Variants in TNS3 observed in about 807,000 individuals in gnomAD.
TNS3 encodes the protein tensin-3.
A neutral mutation model predicts 140.9 loss-of-function variants in TNS3; 45 were observed. The ratio of observed to expected loss-of-function variants is 0.32; its 90% CI spans 0.25 to 0.41. TNS3 has a LOEUF of 0.41. Among genes scored for constraint, TNS3 ranks in the 10% least tolerant of loss-of-function variants. TNS3 has a pLI of 1.00. For synonymous variants in TNS3, 815 were observed against 788.4 expected, an observed-to-expected ratio of 1.03 and a Z score of -0.56; for missense variants, 1,716 against 1,906.7, an observed-to-expected ratio of 0.90 and a Z score of 1.86.
At chr7:47,570,818 T>C (rs1256315992) in intron 1 of TNS3, among the ~76,000 whole-genome samples, 1 of 152,092 alleles carries the variant, frequency 6.6e-6, no homozygotes, top group Non-Finnish European at 1.5e-5. Context: ...TATCATTTTT[T>C]TTCTTTCTTT....
intron 28 of TNS3, among the ~76,000 whole-genome samples, chr7:47,283,306 G>A (rs1025010613): frequency 6.6e-6 from 1 of 152,194 alleles, no homozygotes; most frequent in Non-Finnish European, 1.5e-5. Context: ...ACGCTCACCT[G>A]AAAGGAAATG....
At chr7:47,472,600 C>A (rs1350747472) in intron 4 of TNS3, among the ~76,000 whole-genome samples, 2 of 152,166 alleles carry the variant, frequency 1.3e-5, no homozygotes, top group Non-Finnish European at 2.9e-5. Flanking sequence ...ACACACAGGC[C>A]TTATGGTTGA....
At chr7:47,505,673 T>C (rs1798388912) in intron 3 of TNS3, among the ~76,000 whole-genome samples, 1 of 152,202 alleles carries the variant, frequency 6.6e-6, no homozygotes, top group Non-Finnish European at 1.5e-5. Flanking sequence ...AAAAGTCTCT[T>C]GGGAGAAAAG....
At chr7:47,464,752 G>C (rs1372407949) in intron 4 of TNS3, among the ~76,000 whole-genome samples, 2 of 152,122 alleles carry the variant, frequency 1.3e-5, no homozygotes, top group African/African-American at 4.8e-5. Context: ...TAACGACCTT[G>C]TCACCACATG....
intron 4 of TNS3, among the ~76,000 whole-genome samples, chr7:47,446,786 G>C (rs543423452): frequency 6.8e-6 from 1 of 146,100 alleles, no homozygotes; most frequent in South Asian, 2.2e-4. Flanking sequence ...GTGACTTCTC[G>C]GGCTCAGATC....
chr7:47,466,388 C>T (rs1292978770), intron 4 of TNS3, among the ~76,000 whole-genome samples: 2 of 152,126 alleles, frequency 1.3e-5, no homozygotes, highest in Non-Finnish European at 2.9e-5. Flanking sequence ...TCAGATGATC[C>T]GCCTGCCTTG....
intron 1 of TNS3, chr7:47,539,134 C>T (rs755148175): frequency 1.5e-5 from 7 of 456,520 alleles, no homozygotes; most frequent in Non-Finnish European, 3.1e-5. Context: ...AGATAGCCCC[C>T]AGCAGGATAA....
chr7:47,428,254 C>G lies in TNS3; in HGVS notation c.389+58G>C, dbSNP rs544149645. 5 of 1,264,148 alleles carry G rather than the reference C, an allele frequency of 4.0e-6. No individual in the cohort carries two copies. The East Asian group carries it at 1.4e-4, about 35-fold the overall frequency. 78.3% of individuals were successfully genotyped at this position (1,264,148 alleles called of 1,614,324 possible). On this transcript the variant is annotated intron_variant, in intron 9 of 30. Transcript: ENST00000311160. ...CAGCTCCCGCGCAGACAGCCTTCAG[C>G]CCCATGCAGGCCCAGCTTTTAGCAC... is the stretch of plus-strand genomic sequence containing the variant.
At chr7:47,298,007 T>C (rs1450986405) in intron 23 of TNS3, among the ~76,000 whole-genome samples, 1 of 152,020 alleles carries the variant, frequency 6.6e-6, no homozygotes, top group Non-Finnish European at 1.5e-5. Flanking sequence ...AGGATGGTCT[T>C]GATCTCCTGA....
In TNS3 at chr7:47,548,587, G is replaced by A. The variant is rs143809163; in HGVS notation, c.-264-19440C>T. Among the ~76,000 whole-genome samples the A allele has an allele frequency of 2.9e-3, 442 of 152,234 alleles. 3 individuals carry two copies. Among genetic ancestry groups the A allele is most frequent in the African/African-American group, 1.0e-2 (415 of 41,546 alleles). ...TCTTCCCTGGTCGCTGTGACCCCGT[G>A]CCCTACCTCACTGGTCCTGCCTTTG... On this transcript the variant is annotated intron_variant, in intron 1 of 30. Coordinates refer to ENST00000311160, the MANE Select transcript of TNS3 (RefSeq NM_022748.12).
intron 27 of TNS3, among the ~76,000 whole-genome samples, chr7:47,285,476 T>C (rs1176157765): frequency 6.6e-6 from 1 of 152,194 alleles, no homozygotes; most frequent in South Asian, 2.1e-4. Flanking sequence ...CCCCTGCACA[T>C]ACTCTCTTGC....
At chr7:47,518,225 G>A (rs1798842773) in intron 2 of TNS3, among the ~76,000 whole-genome samples, 1 of 152,110 alleles carries the variant, frequency 6.6e-6, no homozygotes, top group African/African-American at 2.4e-5. Context: ...CTCAGGAATG[G>A]GGATAAGGCT....
chr7:47,381,485 C>T (rs192138991), intron 16 of TNS3, among the ~76,000 whole-genome samples: 296 of 152,296 alleles, frequency 1.9e-3, no homozygotes, highest in East Asian at 6.0e-3. Flanking sequence ...ACCAACCACA[C>T]ACTTTTACTC....
intron 4 of TNS3, among the ~76,000 whole-genome samples, chr7:47,445,800 T>G (rs1795700239): frequency 1.3e-5 from 2 of 152,214 alleles, no homozygotes; most frequent in African/African-American, 2.4e-5. Context: ...GAACTGGAAC[T>G]GCCGCCAAGA....
At chr7:47,518,459 T>G (rs1798853690) in intron 2 of TNS3, among the ~76,000 whole-genome samples, 1 of 152,184 alleles carries the variant, frequency 6.6e-6, no homozygotes, top group Non-Finnish European at 1.5e-5. Flanking sequence ...CTAAAACTCT[T>G]GAAGTTTTCA....
chr7:47,383,378 G>A (rs1441937918), intron 16 of TNS3, among the ~76,000 whole-genome samples: 2 of 152,188 alleles, frequency 1.3e-5, no homozygotes, highest in African/African-American at 4.8e-5. Context: ...GTGGTTGCCA[G>A]GGGCTGAGGA....
chr7:47,472,022 G>A (rs1400927748), intron 4 of TNS3, among the ~76,000 whole-genome samples: 1 of 152,210 alleles, frequency 6.6e-6, no homozygotes, highest in Non-Finnish European at 1.5e-5. Context: ...AGAGCCCCAG[G>A]GAGGATCTGT....
chr7:47,301,790 G>A (rs1289316950), intron 23 of TNS3, among the ~76,000 whole-genome samples: 1 of 152,112 alleles, frequency 6.6e-6, no homozygotes. Context: ...CTCAGAGGAG[G>A]GTGTCTCTCC....
At chr7:47,447,439 A>C (rs1795803017) in intron 4 of TNS3, among the ~76,000 whole-genome samples, 1 of 152,132 alleles carries the variant, frequency 6.6e-6, no homozygotes, top group Non-Finnish European at 1.5e-5. Flanking sequence ...CAGGCTCCAC[A>C]TCAGGCAGTC....
Sources: gnomAD v4.1 joint callset for allele counts (sites outside exome capture counted in the v4.1 genomes callset) on GRCh38, gnomAD v4.1.1 for gene constraint, MANE v1.5 for transcripts, NCBI Gene and HGNC (gene_info 2026-07-23, HGNC 2026-07-21) for gene names.